MYH9: variants seen among roughly 807,000 people sequenced by gnomAD.
The protein encoded by MYH9 is myosin heavy chain 9, also known as myosin-9.
Under a neutral mutation model 241.9 loss-of-function variants are expected in MYH9, and 29 were observed. That is an observed-to-expected ratio of 0.12 (90% CI 0.09 to 0.16). The LOEUF (loss-of-function observed/expected upper bound fraction) is 0.16, where lower values mean the gene tolerates loss of function less well. Among genes scored for constraint, MYH9 ranks in the 10% least tolerant of loss-of-function variants. The pLI is 1.00. For synonymous variants in MYH9, 1,047 were observed against 1,062.6 expected (o/e 0.99, Z 0.29); for missense variants, 1,803 against 2,595.5 (o/e 0.69, Z 6.63).
chr22:36,321,010 T>C (rs548116489), intron 7 of MYH9, 114 bp from the exon 8 acceptor site: 434 of 789,436 alleles, frequency 5.5e-4, no homozygotes, highest in Non-Finnish European at 8.3e-4. Flanking sequence ...TGGAGTGCAG[T>C]GGCATGATCT....
intron 15 of MYH9, chr22:36,308,718 G>GC (rs1255554477): frequency 6.7e-6 from 5 of 750,978 alleles, no homozygotes; most frequent in South Asian, 1.2e-4. Context: ...CAAGGCAAGG[G>GC]GGGGCGCGAG....
At position 36,288,640 on chromosome 22, in the gene MYH9, A is replaced by G; in HGVS notation, c.4770+87T>C. 8 of 1,528,322 alleles carry G rather than the reference A, an allele frequency of 5.2e-6. No individual in the cohort carries two copies. The highest frequency in any genetic ancestry group is 6.3e-6 in the Non-Finnish European group (7 of 1,116,572). The allele number at this position is 1,528,322 out of a possible 1,614,324, so 94.7% of individuals were successfully genotyped here. ...GGAGGCGTGGTCAAGGGGCCCTAAC[A>G]CAATCCAGGTGGAAGGAGAGAACAG... is the stretch of plus-strand genomic sequence containing the variant. On this transcript the variant is annotated intron_variant, in intron 33 of 40. Coordinates refer to ENST00000216181, the MANE Select transcript of MYH9 (RefSeq NM_002473.6). The surrounding 1 kb of genome is among the most constrained non-coding windows in gnomAD (Gnocchi z 4.8).
At chr22:36,374,293 G>A (rs1283643794) in intron 1 of MYH9, among the ~76,000 whole-genome samples, 1 of 152,140 alleles carries the variant, frequency 6.6e-6, no homozygotes, top group Non-Finnish European at 1.5e-5. Context: ...CAAGGTGGGC[G>A]GATCACCTGA....
In MYH9 at chr22:36,288,218, C is replaced by A. The variant is rs966566657; in HGVS notation, c.4932+34G>T. ...ATATGTAGTTGGCTCAGTCGGGTGC[C>A]GCCCACCCTCACCTGGGCCCCGCCC... On this transcript the variant is annotated intron_variant, in intron 34 of 40. Transcript: ENST00000216181. The surrounding 1 kb of genome is among the most constrained non-coding windows in gnomAD (Gnocchi z 4.8). 1.9e-6 allele frequency: 3 copies of A among 1,611,524 alleles called. No individual in the cohort carries two copies. The highest frequency in any genetic ancestry group is 3.3e-5 in the Admixed American group (2 of 60,000).
At chr22:36,296,731 C>T in intron 25 of MYH9, 112 bp downstream of exon 25, 1 of 1,262,508 alleles carries the variant, frequency 7.9e-7, no homozygotes, top group South Asian at 1.6e-5. Context: ...TCTTTTAAGA[C>T]AACAGTGGAA....
intron 2 of MYH9, 47 bp downstream of exon 2, chr22:36,348,857 T>G: frequency 2.5e-6 from 2 of 793,692 alleles, no homozygotes; most frequent in East Asian, 1.4e-4. Flanking sequence ...CCCCCCCACC[T>G]CGGAGCCCTC....
chr22:36,336,890 C>T (rs2146379929), intron 3 of MYH9, among the ~76,000 whole-genome samples: 1 of 152,342 alleles, frequency 6.6e-6, no homozygotes, highest in Non-Finnish European at 1.5e-5. Context: ...GCCAGGGCAT[C>T]CAGTAACAGG....
intron 3 of MYH9, among the ~76,000 whole-genome samples, chr22:36,340,582 G>T (rs2017570096): frequency 6.6e-6 from 1 of 151,770 alleles, no homozygotes. Context: ...AATCGCTTGA[G>T]CCTGGGAAGC....
intron 1 of MYH9, among the ~76,000 whole-genome samples, chr22:36,370,266 C>G (rs1482741560): frequency 2.0e-5 from 3 of 152,166 alleles, no homozygotes; most frequent in African/African-American, 4.8e-5. Context: ...ACCTAAGCAC[C>G]AGACACACGC....
chr22:36,378,978 A>G (rs887751029), intron 1 of MYH9, among the ~76,000 whole-genome samples: 1 of 152,192 alleles, frequency 6.6e-6, no homozygotes, highest in Admixed American at 6.5e-5. Flanking sequence ...TTAGGAAAAA[A>G]AAAAAGAAAT....
Position 36,301,656 on chromosome 22 carries a change from G to A in MYH9, c.2509C>T (p.Leu837=). The A allele has an allele frequency of 6.2e-7, 1 of 1,613,636 alleles. No homozygotes were observed. The highest frequency in any genetic ancestry group is 8.5e-7 in the Non-Finnish European group (1 of 1,180,026). Reference sequence around the variant, plus strand: ...TCCTCCTGCCGGCTCACCTGCAGCAGCGGCTTGACCTGGGAGAGGAGATAG... The same window carrying A: ...TCCTCCTGCCGGCTCACCTGCAGCAACGGCTTGACCTGGGAGAGGAGATAG... ...WWRLFTKVKP[L]LQVSRQEEEM... The change falls in exon 21 of 41, where the codon CTG becomes TTG. Residue 837 remains leucine (L), a synonymous_variant. Coordinates refer to ENST00000216181, the MANE Select transcript of MYH9 (RefSeq NM_002473.6).
In MYH9 at chr22:36,354,726, G is replaced by C. The variant is rs1394990231; in HGVS notation, c.-19-5471C>G. On this transcript the variant is annotated intron_variant, in intron 1 of 40. Coordinates refer to ENST00000216181, the MANE Select transcript of MYH9 (RefSeq NM_002473.6). ...CCCAAAGTGCTGGGCTTACAGGCGT[G>C]AGCCACCGCACCCGGCCGTAGTGTA... Among the ~76,000 whole-genome samples, 4 of 152,136 alleles carry C rather than the reference G, an allele frequency of 2.6e-5. No homozygotes were observed. In the East Asian group the frequency reaches 7.7e-4, roughly 29 times the overall value.
chr22:36,358,030 G>A (rs541420515), intron 1 of MYH9, among the ~76,000 whole-genome samples: 13 of 152,266 alleles, frequency 8.5e-5, no homozygotes, highest in East Asian at 5.8e-4. Context: ...GAAGACAAGC[G>A]GGAGCCACAT....
Position 36,306,387 on chromosome 22 carries a change from C to A in MYH9, c.2037+27G>T. On this transcript the variant is annotated intron_variant, in intron 16 of 40. Transcript: ENST00000216181. The surrounding 1 kb of genome is among the most constrained non-coding windows in gnomAD (Gnocchi z 4.1). ...AGCACCCCACACCACAGTGCCCTGC[C>A]CGGGCCACCCCACCAGGCAGCCGCA... 2 of 1,613,578 alleles carry A rather than the reference C, an allele frequency of 1.2e-6. No homozygotes were observed. Among genetic ancestry groups the A allele is most frequent in the Non-Finnish European group, 1.7e-6 (2 of 1,179,882 alleles).
At position 36,358,019 on chromosome 22, in the gene MYH9, G is replaced by A. The variant is rs114370589; in HGVS notation, c.-19-8764C>T. Among the ~76,000 whole-genome samples, 510 of 152,292 alleles carry A rather than the reference G, an allele frequency of 3.3e-3. 5 individuals are homozygous for A. Among genetic ancestry groups the A allele is most frequent in the African/African-American group, 0.011 (476 of 41,564 alleles). On this transcript the variant is annotated intron_variant, in intron 1 of 40. Coordinates refer to ENST00000216181, the MANE Select transcript of MYH9 (RefSeq NM_002473.6). The stretch of plus-strand genomic sequence containing the variant: ...GCATCAAAGGGTCCAGATGATTAAC[G>A]GAAGACAAGCGGGAGCCACATTTTG...
At chr22:36,355,110 G>T (rs571003182) in intron 1 of MYH9, among the ~76,000 whole-genome samples, 36 of 152,022 alleles carry the variant, frequency 2.4e-4, no homozygotes, top group Middle Eastern at 3.4e-3. Flanking sequence ...GATGAGATTG[G>T]ATCAGGCTGA....
Position 36,284,281 on chromosome 22 carries a change from T to A in MYH9, c.5593-16A>T. 1.9e-6 allele frequency: 3 copies of A among 1,607,334 alleles called. No homozygotes were observed. The highest frequency in any genetic ancestry group is 2.5e-6 in the Non-Finnish European group (3 of 1,178,758). ...CCTTGTCGGCCTGCGGAGATGGACG[T>A]GTGGCCCGTGGCCCCGGTTAGGGGC... is the stretch of plus-strand genomic sequence containing the variant. On this transcript the variant is annotated splice_polypyrimidine_tract_variant and intron_variant, in intron 39 of 40. Transcript: ENST00000216181.
In MYH9 at chr22:36,285,873, G is replaced by A. The variant is rs141854577; in HGVS notation, c.5142C>T (p.Ser1714=). ...DELADEIANS[S]GKGALALEEK... Reference sequence around the variant, plus strand: ...CCCCTCACTCAGCTCACCCTTTGCCGCTGCTGTTGGCGATCTCGTCAGCCA... The same window carrying A: ...CCCCTCACTCAGCTCACCCTTTGCCACTGCTGTTGGCGATCTCGTCAGCCA... Residue 1714 remains serine (S), a synonymous_variant, in exon 36 of 41, where the codon AGC becomes AGT. Transcript: ENST00000216181. The surrounding 1 kb of genome is among the most constrained non-coding windows in gnomAD (Gnocchi z 7.0). 8.8e-5 allele frequency: 142 copies of A among 1,613,218 alleles called. No homozygotes were observed. The highest frequency in any genetic ancestry group is 8.3e-4 in the Middle Eastern group (5 of 6,056).
chr22:36,326,286 C>T (rs1388089945), intron 5 of MYH9, among the ~76,000 whole-genome samples: 1 of 152,216 alleles, frequency 6.6e-6, no homozygotes, highest in East Asian at 1.9e-4. Flanking sequence ...CACACAGCAA[C>T]GAGCTGCAAA....
Sources: allele counts gnomAD v4.1 joint callset (sites outside exome capture counted in the v4.1 genomes callset), GRCh38; gene constraint gnomAD v4.1.1; non-coding constraint Gnocchi (gnomAD v3.1); transcripts MANE v1.5; gene names NCBI Gene and HGNC (gene_info 2026-07-23, HGNC 2026-07-21).